Variants in TULP4 observed in about 807,000 individuals in gnomAD.
TULP4 encodes TUB like protein 4, also known as tubby-related protein 4.
TULP4 carries 16 observed loss-of-function variants against 129.0 expected under a neutral mutation model. The ratio of observed to expected loss-of-function variants is 0.12; its 90% CI spans 0.08 to 0.19. TULP4 has a LOEUF of 0.19. Ranked by LOEUF, TULP4 falls within the 10% of genes least tolerant of loss-of-function variation. The pLI, the probability that TULP4 is intolerant of heterozygous loss-of-function variation, is 1.00. For missense variants in TULP4, 1,842 were observed against 2,059.1 expected (o/e 0.89, Z 2.04); for synonymous variants, 998 against 854.0 (o/e 1.17, Z -2.94).
chr6:158,452,393 T>C lies in TULP4; in HGVS notation c.859+125T>C, dbSNP rs1329044201. On this transcript the variant is annotated intron_variant, in intron 5 of 13. Coordinates refer to ENST00000367097, the MANE Select transcript of TULP4 (RefSeq NM_020245.5). The stretch of plus-strand genomic sequence containing the variant: ...CTGTGGTGACACCTTCTGGGCTTCA[T>C]GGAGTCTGTTAACTAAAGCCACTCC... The C allele has an allele frequency of 3.1e-6, 4 of 1,305,930 alleles. No individual in the cohort carries two copies. In the African/African-American group the frequency reaches 4.5e-5, roughly 15 times the overall value. The allele number at this position is 1,305,930 out of a possible 1,614,324, so 80.9% of individuals were successfully genotyped here.
In TULP4 at chr6:158,237,413, G is replaced by C. The variant is rs561411828; in HGVS notation, n.68+5110G>C. On this transcript the variant is annotated intron_variant and non_coding_transcript_variant, in intron 1 of 1. Transcript: ENST00000620026. ...GTTGCTGGAGCCCCTGCAGGTCTCT[G>C]GTGTCTTGGGGGTATGATGTTACTT... The C allele has an allele frequency of 2.5e-6, 4 of 1,602,284 alleles. No homozygotes were observed. In the South Asian group the frequency reaches 3.3e-5, roughly 13 times the overall value.
intron 8 of TULP4, among the ~76,000 whole-genome samples, chr6:158,486,355 C>T (rs147548603): frequency 3.0e-3 from 461 of 152,206 alleles, no homozygotes; most frequent in Middle Eastern, 0.017. Context: ...AGATCAAGAC[C>T]ATCCTGGCTA....
chr6:158,498,898 T>A (rs1465489666), intron 12 of TULP4, 86 bp downstream of exon 12: 22 of 1,525,346 alleles, frequency 1.4e-5, no homozygotes, highest in Non-Finnish European at 1.9e-5. Flanking sequence ...TTGTTGAGGA[T>A]TTCAGTCTGC....
chr6:158,451,361 A>G, intron 4 of TULP4, among the ~76,000 whole-genome samples: 1 of 152,248 alleles, frequency 6.6e-6, no homozygotes, highest in East Asian at 1.9e-4. Context: ...TCTGCAGACA[A>G]CTGGCAGGTA....
Position 158,481,084 on chromosome 6 carries a change from A to G in TULP4, c.1281A>G (p.Arg427=), listed in dbSNP as rs747911289. ...KPPIPDPNNM[R]DFVSYPSAGN... is the part of the protein sequence containing the mutation. ...CAATTCCAGATCCGAACAACATGAGAGACTTTGTCAGCTACCCATCAGCCG... is the reference window on the plus strand; with the variant it reads ...CAATTCCAGATCCGAACAACATGAGGGACTTTGTCAGCTACCCATCAGCCG... Residue 427 remains arginine (R), a synonymous_variant, in exon 8 of 14, where the codon AGA becomes AGG. Coordinates refer to ENST00000367097, the MANE Select transcript of TULP4 (RefSeq NM_020245.5). The G allele has an allele frequency of 6.3e-7, 1 of 1,590,418 alleles. No individual in the cohort carries two copies. The highest frequency in any genetic ancestry group is 1.1e-5 in the South Asian group (1 of 88,354).
At chr6:158,358,955 G>C (rs564486862) in intron 1 of TULP4, among the ~76,000 whole-genome samples, 3 of 152,156 alleles carry the variant, frequency 2.0e-5, no homozygotes, top group African/African-American at 7.2e-5. Flanking sequence ...GGGCCACACC[G>C]GGCAGCATGT....
chr6:158,337,373 C>T, intron 1 of TULP4, among the ~76,000 whole-genome samples: 1 of 152,030 alleles, frequency 6.6e-6, no homozygotes, highest in East Asian at 1.9e-4. Context: ...TCAAGAAATC[C>T]ACCTGCCTTG....
At chr6:158,418,575 T>C (rs182642190) in intron 2 of TULP4, among the ~76,000 whole-genome samples, 92 of 152,266 alleles carry the variant, frequency 6.0e-4, no homozygotes, top group Non-Finnish European at 9.0e-4. Flanking sequence ...AAGATCAGCC[T>C]GGACAATATA....
chr6:158,324,849 A>G (rs898511630), intron 1 of TULP4, among the ~76,000 whole-genome samples: 11 of 152,244 alleles, frequency 7.2e-5, no homozygotes, highest in East Asian at 5.8e-4. Context: ...GTGTTTTTCT[A>G]TCTATAAGAC....
intron 1 of TULP4, among the ~76,000 whole-genome samples, chr6:158,406,121 G>T (rs960557310): frequency 1.3e-5 from 2 of 152,060 alleles, no homozygotes; most frequent in South Asian, 4.1e-4. Context: ...AGTGATTGAC[G>T]GCCACAGGTG....
intron 5 of TULP4, among the ~76,000 whole-genome samples, chr6:158,452,878 G>A (rs1455254946): frequency 6.6e-6 from 1 of 152,188 alleles, no homozygotes; most frequent in Non-Finnish European, 1.5e-5. Context: ...GAATTTTGCA[G>A]TTCAAGAGTA....
At chr6:158,380,630 C>T (rs1052505900) in intron 1 of TULP4, among the ~76,000 whole-genome samples, 4 of 152,104 alleles carry the variant, frequency 2.6e-5, no homozygotes, top group East Asian at 1.9e-4. Flanking sequence ...CATGGTGGCT[C>T]ACGCCTGTAT....
chr6:158,256,720 A>G (rs549407539), intron 1 of TULP4, among the ~76,000 whole-genome samples: 1 of 152,352 alleles, frequency 6.6e-6, no homozygotes, highest in Admixed American at 6.5e-5. Flanking sequence ...TGGAACTGCA[A>G]TGAAAAGCTA....
chr6:158,282,687 G>A (rs186679698), intron 1 of TULP4, among the ~76,000 whole-genome samples: 168 of 151,998 alleles, frequency 1.1e-3, no homozygotes, highest in African/African-American at 4.0e-3. Flanking sequence ...TTCCCTGACA[G>A]TTTTTATTCT....
chr6:158,343,461 C>T (rs1183558596), intron 1 of TULP4, among the ~76,000 whole-genome samples: 1 of 152,118 alleles, frequency 6.6e-6, no homozygotes, highest in Non-Finnish European at 1.5e-5. Context: ...CCTCCAAAGT[C>T]ATAGTGTTAG....
At chr6:158,468,542 A>T (rs559816096) in intron 6 of TULP4, among the ~76,000 whole-genome samples, 1 of 152,210 alleles carries the variant, frequency 6.6e-6, no homozygotes, top group Non-Finnish European at 1.5e-5. Context: ...TCGTAACATA[A>T]TTTCTTTTAA....
At chr6:158,420,454 G>A (rs982562155) in intron 2 of TULP4, among the ~76,000 whole-genome samples, 6 of 152,262 alleles carry the variant, frequency 3.9e-5, no homozygotes, top group Admixed American at 2.0e-4. Flanking sequence ...AGTTAATAAC[G>A]ACGAGATAAG....
chr6:158,469,618 T>G (rs73029513), intron 6 of TULP4, among the ~76,000 whole-genome samples: 19,197 of 151,676 alleles, frequency 0.13, 1,361 homozygotes, highest in South Asian at 0.18. Flanking sequence ...CATCTCTAAG[T>G]GTGGAAGGCG....
intron 1 of TULP4, among the ~76,000 whole-genome samples, chr6:158,243,624 T>G (rs1476475637): frequency 6.6e-6 from 1 of 152,194 alleles, no homozygotes; most frequent in Non-Finnish European, 1.5e-5. Flanking sequence ...TAAAATATGT[T>G]ATTTTATTTC....
Sources: allele counts gnomAD v4.1 joint callset (sites outside exome capture counted in the v4.1 genomes callset), GRCh38; gene constraint gnomAD v4.1.1; transcripts MANE v1.5; gene names NCBI Gene and HGNC (gene_info 2026-07-23, HGNC 2026-07-21).